Variants in BANP observed in about 807,000 individuals in gnomAD.
BANP encodes protein BANP.
Under a neutral mutation model 68.1 loss-of-function variants are expected in BANP, and 11 were observed. The ratio of observed to expected loss-of-function variants is 0.16; its 90% confidence interval spans 0.10 to 0.27. The LOEUF (loss-of-function observed/expected upper bound fraction) is 0.27. Ranked by LOEUF, BANP falls within the 10% of genes least tolerant of loss-of-function variation. The pLI is 1.00. For synonymous variants in BANP, 329 were observed against 303.2 expected (o/e 1.09, Z -0.88); for missense variants, 504 against 722.7 (o/e 0.70, Z 3.47).
intron 10 of BANP, 62 bp from the exon 11 acceptor site, chr16:88,037,911 G>C (rs372847394): frequency 7.9e-6 from 12 of 1,523,588 alleles, no homozygotes; most frequent in Non-Finnish European, 1.0e-5. Context: ...CGTGTTTGCC[G>C]TGTCTGAGGG....
intron 10 of BANP, 52 bp downstream of exon 10, chr16:88,035,446 C>G (rs2079098966): frequency 1.3e-6 from 2 of 1,493,698 alleles, no homozygotes; most frequent in Non-Finnish European, 1.8e-6. Context: ...TGCCCACATG[C>G]TCCCGACCTT....
chr16:87,987,712 CAAAAAAAAAA>C (rs66648819), intron 4 of BANP, among the ~76,000 whole-genome samples: 40 of 30,370 alleles, frequency 1.3e-3, no homozygotes, highest in South Asian at 1.7e-3. Flanking sequence ...GACCCTAACT[CAAAAAAAAAA>C]AAAAAAAAAA....
In BANP at chr16:88,076,706, G is replaced by T; in HGVS notation, c.*45G>T. 1 of 1,546,332 alleles carries T rather than the reference G, an allele frequency of 6.5e-7. No homozygotes were observed. Among genetic ancestry groups the T allele is most frequent in the Non-Finnish European group, 8.8e-7 (1 of 1,139,082 alleles). On this transcript the variant is annotated 3_prime_UTR_variant, in exon 14 of 14. Coordinates refer to ENST00000682872, the MANE Select transcript of BANP (RefSeq NM_001386991.1). ...GAGCCCCTCGCCGGCTCCGCCTACG[G>T]CCCGGCCCCCACGCGCCCTGCTCTC...
intron 11 of BANP, among the ~76,000 whole-genome samples, chr16:88,051,115 C>T (rs959608093): frequency 1.3e-5 from 2 of 152,260 alleles, no homozygotes; most frequent in Admixed American, 6.5e-5. Context: ...AAGCTGTTGA[C>T]CGCAGCACCC....
chr16:87,983,729 C>A (rs1186081331), intron 3 of BANP, among the ~76,000 whole-genome samples: 2 of 152,068 alleles, frequency 1.3e-5, no homozygotes, highest in Non-Finnish European at 2.9e-5. Flanking sequence ...GAAGATTTGA[C>A]TAGTTTTATG....
At chr16:88,048,774 A>G (rs1017592679) in intron 11 of BANP, among the ~76,000 whole-genome samples, 3 of 152,178 alleles carry the variant, frequency 2.0e-5, no homozygotes, top group African/African-American at 7.2e-5. Flanking sequence ...GGTGGATTCT[A>G]ACAGTGTTCT....
chr16:88,053,639 TCAC>T (rs2083988286), intron 11 of BANP, among the ~76,000 whole-genome samples: 1 of 145,268 alleles, frequency 6.9e-6, no homozygotes, highest in Non-Finnish European at 1.5e-5. Flanking sequence ...TTCACTATCA[TCAC>T]CATCACCAAC....
chr16:88,026,565 C>T (rs2077032578), intron 7 of BANP, among the ~76,000 whole-genome samples: 1 of 152,172 alleles, frequency 6.6e-6, no homozygotes. Flanking sequence ...GCGAGGGGAA[C>T]AGAATAACAA....
intron 6 of BANP, among the ~76,000 whole-genome samples, chr16:88,011,990 C>T (rs1486125813): frequency 6.6e-6 from 1 of 152,234 alleles, no homozygotes; most frequent in Non-Finnish European, 1.5e-5. Context: ...GTAGCCTTAC[C>T]TTTATGGGGT....
chr16:88,059,674 A>T (rs1170091326), intron 11 of BANP, among the ~76,000 whole-genome samples: 8 of 152,060 alleles, frequency 5.3e-5, no homozygotes, highest in Non-Finnish European at 8.8e-5. Flanking sequence ...TTGCAGGAAG[A>T]TGTGAGTTTG....
chr16:88,029,610 C>A (rs892486913), intron 8 of BANP, among the ~76,000 whole-genome samples: 602 of 118,578 alleles, frequency 5.1e-3, no homozygotes, highest in African/African-American at 9.8e-3. Flanking sequence ...GACTCCGTCT[C>A]AAAAAAAAAA....
chr16:87,984,307 G>A, intron 4 of BANP, 48 bp downstream of exon 4: 1 of 1,463,972 alleles, frequency 6.8e-7, no homozygotes, highest in Non-Finnish European at 9.2e-7. Flanking sequence ...TTGGGGAGAA[G>A]CGCGTCACCT....
chr16:87,990,202 G>A (rs547735724), intron 4 of BANP, among the ~76,000 whole-genome samples: 1 of 152,192 alleles, frequency 6.6e-6, no homozygotes, highest in South Asian at 2.1e-4. Context: ...TAAAGTCATA[G>A]ATGTTTATCT....
chr16:88,049,995 C>T lies in BANP; in HGVS notation c.1311+11984C>T, dbSNP rs1333596778. On this transcript the variant is annotated intron_variant, in intron 11 of 13. Transcript: ENST00000682872. The stretch of plus-strand genomic sequence containing the variant: ...ATATGATATTCTTCCAATTAAGAAC[C>T]CTCTTCAGGAAAGAGCTGGTGTGTG... Among the ~76,000 whole-genome samples the T allele has an allele frequency of 2.0e-5, 3 of 152,062 alleles. No individual in the cohort carries two copies. The East Asian group carries it at 5.8e-4, about 29-fold the overall frequency.
At chr16:88,062,329 A>T (rs377360025) in intron 11 of BANP, among the ~76,000 whole-genome samples, 32 of 152,312 alleles carry the variant, frequency 2.1e-4, no homozygotes, top group African/African-American at 7.5e-4. Context: ...GTTTAGCATG[A>T]TCTCAGTTGG....
rs1333999112 is a variant in BANP, at chr16:88,018,303, C to T, written c.656-125C>T. 14 of 1,235,802 alleles carry T rather than the reference C, an allele frequency of 1.1e-5. No homozygotes were observed. The highest frequency in any genetic ancestry group is 1.5e-5 in the African/African-American group (1 of 66,894). 76.6% of individuals were successfully genotyped at this position (1,235,802 alleles called of 1,614,324 possible). A position where few individuals can be genotyped will look rare whatever the true frequency, so the allele number is the denominator to read the frequency against. Reference sequence around the variant, plus strand: ...CTCTTGGTGACTGCCTCACAAGTTACGAGGGATTTGCCCAGCCCTGCGTGG... The same window carrying T: ...CTCTTGGTGACTGCCTCACAAGTTATGAGGGATTTGCCCAGCCCTGCGTGG... On this transcript the variant is annotated intron_variant, in intron 6 of 13. Coordinates refer to ENST00000682872, the MANE Select transcript of BANP (RefSeq NM_001386991.1). This position sits in a 1 kb window ranked among gnomAD's most constrained non-coding sequence, Gnocchi z 7.7.
rs2087971657 is a variant in BANP at position 88,064,686 on chromosome 16, A to G, written c.1312-581A>G. 6.6e-6 allele frequency among the ~76,000 whole-genome samples: 1 copy of G among 152,218 alleles called. No homozygotes were observed. The highest frequency in any genetic ancestry group is 6.5e-5 in the Admixed American group (1 of 15,294). On this transcript the variant is annotated intron_variant, in intron 11 of 13. Coordinates refer to ENST00000682872, the MANE Select transcript of BANP (RefSeq NM_001386991.1). The surrounding 1 kb of genome is among the most constrained non-coding windows in gnomAD (Gnocchi z 4.5). ...AAACAACAACGCTTTTGCCAGACAC[A>G]AGAGGCTCCTGTGGAGCTCTCATGG...
chr16:87,994,785 TA>T (rs1183966780), intron 4 of BANP, among the ~76,000 whole-genome samples: 1 of 152,096 alleles, frequency 6.6e-6, no homozygotes, highest in East Asian at 1.9e-4. Context: ...TAAAATAAAA[TA>T]AAAAGCCCCT....
At position 87,984,169 on chromosome 16, in the gene BANP, T is replaced by C. The variant is rs2063824895; in HGVS notation, c.272T>C (p.Leu91Pro). ...TCKSLEEKLD[L>P]VTNKQHSPIQ... ...AAATCCTTAGAAGAAAAGCTGGATC[T>C]GGTCACGAACAAGCAGCACAGCCCC... Residue 91 changes from leucine (L) to proline (P), a missense_variant, in exon 4 of 14, where the codon CTG becomes CCG. By Grantham distance (98) the Leu-to-Pro change is moderately conservative (BLOSUM62 -3). This residue lies in a region of BANP where 238 missense variants were observed against 278.9 expected (regional missense o/e 0.85). Transcript: ENST00000682872. 6.2e-7 allele frequency: 1 copy of C among 1,608,618 alleles called. No homozygotes were observed. Among genetic ancestry groups the C allele is most frequent in the African/African-American group, 1.3e-5 (1 of 74,716 alleles).
Sources: allele counts gnomAD v4.1 joint callset (sites outside exome capture counted in the v4.1 genomes callset), GRCh38; gene constraint gnomAD v4.1.1; regional missense constraint gnomAD v4.1.1; non-coding constraint Gnocchi (gnomAD v3.1); transcripts MANE v1.5; gene names NCBI Gene and HGNC (gene_info 2026-07-23, HGNC 2026-07-21).